The following ZNF727 variants were observed in gnomAD, a reference collection of about 807,000 sequenced individuals.
The protein encoded by ZNF727 is putative zinc finger protein 727.
A neutral mutation model predicts 11.5 loss-of-function variants in ZNF727; 11 were observed. The observed-to-expected ratio is 0.95, with a 90% CI of 0.60 to 1.58. ZNF727 has a LOEUF of 1.58. Ranked by LOEUF, ZNF727 falls within the 40% of genes most tolerant of loss-of-function variation. The pLI, the probability that ZNF727 is intolerant of heterozygous loss-of-function variation, is 0.00. For synonymous variants in ZNF727, 171 were observed against 196.1 expected (o/e 0.87, Z 1.07); for missense variants, 533 against 581.7 (o/e 0.92, Z 0.86).
chr7:64,046,258 G>T (rs6959059), intron 1 of ZNF727, among the ~76,000 whole-genome samples: 101,308 of 151,992 alleles, frequency 0.67, 34,226 homozygotes, highest in Admixed American at 0.73. Flanking sequence ...CTCGAACTCC[G>T]GAGCTCAGGT....
chr7:64,057,741 A>C (rs1193090199), intron 1 of ZNF727, among the ~76,000 whole-genome samples: 1 of 151,866 alleles, frequency 6.6e-6, no homozygotes, highest in Admixed American at 6.6e-5. Context: ...AAAAAAAAAA[A>C]TACCTAAAAG....
chr7:64,083,269 G>C lies in ZNF727; in HGVS notation c.*4720G>C, dbSNP rs1200303960. 4.6e-5 allele frequency among the ~76,000 whole-genome samples: 7 copies of C among 152,172 alleles called. No homozygotes were observed. The highest frequency in any genetic ancestry group is 1.0e-4 in the Non-Finnish European group (7 of 68,038). On this transcript the variant is annotated 3_prime_UTR_variant, in exon 4 of 4. Transcript: ENST00000456806. ...TCTTCAACACATGAAGGTTGGAATGGCTAAGTTGCCCAAGAAGCAAAGATG... is the reference window on the plus strand; with the variant it reads ...TCTTCAACACATGAAGGTTGGAATGCCTAAGTTGCCCAAGAAGCAAAGATG...
At chr7:64,045,883 C>G (rs1789496435) in intron 1 of ZNF727, among the ~76,000 whole-genome samples, 1 of 152,142 alleles carries the variant, frequency 6.6e-6, no homozygotes, top group East Asian at 1.9e-4. Context: ...GTCGCAATCC[C>G]GAGTCTCCTC....
At chr7:64,046,866 T>C (rs1409978324) in intron 1 of ZNF727, among the ~76,000 whole-genome samples, 1 of 152,146 alleles carries the variant, frequency 6.6e-6, no homozygotes, top group African/African-American at 2.4e-5. Flanking sequence ...CCAGATTCAG[T>C]ATTTGATTGG....
chr7:64,080,972 A>G lies in ZNF727; in HGVS notation c.*2423A>G, dbSNP rs1184448700. ...GCATACTCTAAATGCTCAGCTCACA[A>G]CTTAGAGTCTGCATACTCTAACTCT... On this transcript the variant is annotated 3_prime_UTR_variant, in exon 4 of 4. Coordinates refer to ENST00000456806, the MANE Select transcript of ZNF727 (RefSeq NM_001159522.3). Among the ~76,000 whole-genome samples the G allele has an allele frequency of 6.6e-6, 1 of 151,728 alleles. No homozygotes were observed. The highest frequency in any genetic ancestry group is 1.5e-5 in the Non-Finnish European group (1 of 67,934).
rs537661007 is a variant in ZNF727, at chr7:64,065,326, A to G, written c.4-3565A>G. On this transcript the variant is annotated intron_variant, in intron 1 of 3. Transcript: ENST00000456806. The stretch of plus-strand genomic sequence containing the variant: ...CCATATTCTCATTGCTGCAGTAGAA[A>G]TTTCTGGCATCTGTGGCAGAGAAGG... Among the ~76,000 whole-genome samples, 7 of 152,238 alleles carry G rather than the reference A, an allele frequency of 4.6e-5. No homozygotes were observed. In the South Asian group the frequency reaches 1.5e-3, roughly 32 times the overall value.
At chr7:64,053,942 T>C (rs909817417) in intron 1 of ZNF727, among the ~76,000 whole-genome samples, 3 of 152,168 alleles carry the variant, frequency 2.0e-5, no homozygotes, top group Admixed American at 1.3e-4. Flanking sequence ...GTGTCTAATT[T>C]CTCATTGTTA....
chr7:64,047,978 G>A (rs578181359), intron 1 of ZNF727, among the ~76,000 whole-genome samples: 5 of 152,330 alleles, frequency 3.3e-5, no homozygotes, highest in African/African-American at 1.2e-4. Context: ...CAAGTGCAGT[G>A]TCTTTTGGGA....
At chr7:64,057,804 T>C (rs1789709304) in intron 1 of ZNF727, among the ~76,000 whole-genome samples, 1 of 152,158 alleles carries the variant, frequency 6.6e-6, no homozygotes, top group African/African-American at 2.4e-5. Flanking sequence ...CACAAACTAT[T>C]TGAAAACATC....
chr7:64,077,468 C>T lies in ZNF727; in HGVS notation c.419C>T (p.Thr140Ile), dbSNP rs1194844342. Residue 140 changes from threonine (T) to isoleucine (I), a missense_variant, in exon 4 of 4, where the codon ACC (threonine) becomes ATC (isoleucine). Thr to Ile is a moderately conservative substitution (Grantham distance 89). Around this residue, in one of 3 missense-constraint regions of ZNF727, gnomAD observed 463 missense variants for 494.5 expected, o/e 0.94. Coordinates refer to ENST00000456806, the MANE Select transcript of ZNF727 (RefSeq NM_001159522.3). Reference sequence around the variant, plus strand: ...GGCATTCATCAATGTTTGTCAGCTACCCGTAGCAAAACCTGTCAATATAAT... The same window carrying T: ...GGCATTCATCAATGTTTGTCAGCTATCCGTAGCAAAACCTGTCAATATAAT... ...YNGIHQCLSA[T>I]RSKTCQYNKC... The T allele has an allele frequency of 4.5e-6, 7 of 1,551,706 alleles. No individual in the cohort carries two copies. Among genetic ancestry groups the T allele is most frequent in the African/African-American group, 1.4e-5 (1 of 73,022 alleles).
At chr7:64,076,949 A>G (rs1413053690) in intron 3 of ZNF727, among the ~76,000 whole-genome samples, 1 of 152,146 alleles carries the variant, frequency 6.6e-6, no homozygotes, top group African/African-American at 2.4e-5. Flanking sequence ...GAGGGGGAAG[A>G]CAGGAATTGG....
intron 1 of ZNF727, among the ~76,000 whole-genome samples, chr7:64,054,598 C>T (rs535581408): frequency 1.3e-4 from 20 of 152,226 alleles, no homozygotes; most frequent in South Asian, 6.2e-4. Context: ...CTCTGTTGCA[C>T]GGTATAGTCA....
In ZNF727 at chr7:64,078,008, CT is replaced by C; in HGVS notation, c.963del (p.Phe321LeufsTer45). Reference protein sequence around the residue: ...KPYKCNECGKAFMWISALSQH... With the variant: ...KPYKCNECGKXFMWISALSQH... The stretch of plus-strand genomic sequence containing the variant: ...TACAAATGTAATGAATGTGGAAAAG[CT>C]TTTATGTGGATCTCGGCCCTTAGTC... On this transcript the variant is annotated frameshift_variant, in exon 4 of 4. Transcript: ENST00000456806. LOFTEE classifies it low-confidence loss of function (END_TRUNC). The C allele has an allele frequency of 1.2e-6, 2 of 1,605,668 alleles. No homozygotes were observed. Among genetic ancestry groups the C allele is most frequent in the East Asian group, 4.5e-5 (2 of 44,292 alleles).
chr7:64,063,513 C>T (rs1296526076), intron 1 of ZNF727, among the ~76,000 whole-genome samples: 1 of 152,026 alleles, frequency 6.6e-6, no homozygotes, highest in African/African-American at 2.4e-5. Context: ...CTGCCTGGAG[C>T]TGGAGTGGGT....
In ZNF727 at chr7:64,082,719, A is replaced by G. The variant is rs1326821388; in HGVS notation, c.*4170A>G. 6.6e-6 allele frequency among the ~76,000 whole-genome samples: 1 copy of G among 152,130 alleles called. No individual in the cohort carries two copies. The highest frequency in any genetic ancestry group is 1.5e-5 in the Non-Finnish European group (1 of 68,026). On this transcript the variant is annotated 3_prime_UTR_variant, in exon 4 of 4. Transcript: ENST00000456806. ...GGTGAAATCCCACCTCTACTAAAAT[A>G]CAAAAAAAGAAAATTAGCCAGGTGT...
At chr7:64,065,632 G>A (rs562344245) in intron 1 of ZNF727, among the ~76,000 whole-genome samples, 1 of 152,328 alleles carries the variant, frequency 6.6e-6, no homozygotes, top group East Asian at 1.9e-4. Context: ...TGAGGTGAAT[G>A]TGTCTGAAGT....
chr7:64,067,807 C>T (rs532969568), intron 1 of ZNF727, among the ~76,000 whole-genome samples: 7 of 152,006 alleles, frequency 4.6e-5, no homozygotes, highest in South Asian at 4.2e-4. Flanking sequence ...AAAACCTCGA[C>T]GACAGGTTGA....
chr7:64,046,726 A>C (rs1789513544), intron 1 of ZNF727, among the ~76,000 whole-genome samples: 1 of 152,236 alleles, frequency 6.6e-6, no homozygotes, highest in East Asian at 1.9e-4. Flanking sequence ...GTAATGCCAG[A>C]ACCGATTAAT....
At chr7:64,074,682 A>C (rs1234410280) in intron 3 of ZNF727, among the ~76,000 whole-genome samples, 1 of 152,194 alleles carries the variant, frequency 6.6e-6, no homozygotes, top group Non-Finnish European at 1.5e-5. Flanking sequence ...GATTAAGTAC[A>C]AGAAAATCTA....
Sources: allele counts gnomAD v4.1 joint callset (sites outside exome capture counted in the v4.1 genomes callset), GRCh38; gene constraint gnomAD v4.1.1; regional missense constraint gnomAD v4.1.1; transcripts MANE v1.5; gene names NCBI Gene and HGNC (gene_info 2026-07-23, HGNC 2026-07-21).